The following TRIM25 variants were observed in gnomAD, a reference collection of about 807,000 sequenced individuals.
The protein encoded by TRIM25 is tripartite motif containing 25.
Under a neutral mutation model 65.2 loss-of-function variants are expected in TRIM25, and 45 were observed. That is an observed-to-expected ratio of 0.69 (90% CI 0.54 to 0.89). The LOEUF is 0.89. Ranked by LOEUF, TRIM25 falls within the 40% of genes least tolerant of loss-of-function variation. The pLI is 0.00. For synonymous variants in TRIM25, 321 were observed against 340.4 expected (o/e 0.94, Z 0.63); for missense variants, 714 against 803.7 (o/e 0.89, Z 1.35).
chr17:56,906,441 A>C (rs1909521705), intron 2 of TRIM25, among the ~76,000 whole-genome samples: 2 of 152,238 alleles, frequency 1.3e-5, no homozygotes, highest in East Asian at 3.8e-4. Flanking sequence ...CAAAGAGAAA[A>C]ACACACAAGA....
In TRIM25 at chr17:56,888,405, A is replaced by G. The variant is rs1057105638; in HGVS notation, c.*3295T>C. 8 of 152,142 alleles carry G rather than the reference A, an allele frequency of 5.3e-5. No individual in the cohort carries two copies. The highest frequency in any genetic ancestry group is 8.8e-5 in the Non-Finnish European group (6 of 68,038). The allele number at this position is 152,142 out of a possible 1,614,324, so 9.4% of individuals were successfully genotyped here. A position where few individuals can be genotyped will look rare whatever the true frequency, so the allele number is the denominator to read the frequency against. Reference sequence around the variant, plus strand: ...AGTTCAATTCTTTAGACAACCTCCAATCCACACCTCCTGGAACTCCTACCC... The same window carrying G: ...AGTTCAATTCTTTAGACAACCTCCAGTCCACACCTCCTGGAACTCCTACCC... On this transcript the variant is annotated 3_prime_UTR_variant, in exon 9 of 9. Coordinates refer to ENST00000316881, the MANE Select transcript of TRIM25 (RefSeq NM_005082.5).
At position 56,890,194 on chromosome 17, in the gene TRIM25, A is replaced by G; in HGVS notation, c.*1506T>C. On this transcript the variant is annotated 3_prime_UTR_variant, in exon 9 of 9. Coordinates refer to ENST00000316881, the MANE Select transcript of TRIM25 (RefSeq NM_005082.5). ...GAGCTCTCCTCTAAGCAAAGCCCAG[A>G]GTTGGACTCATTTCACTATAAGAGG... 1 of 289,372 alleles carries G rather than the reference A, an allele frequency of 3.5e-6. No individual in the cohort carries two copies. The highest frequency in any genetic ancestry group is 6.5e-6 in the Non-Finnish European group (1 of 152,846). 17.9% of individuals were successfully genotyped at this position (289,372 alleles called of 1,614,324 possible).
Position 56,909,730 on chromosome 17 carries a change from C to A in TRIM25, c.598-1167G>T, listed in dbSNP as rs181614544. ...GAAGTAGCTCACAGGGGCTGAAGCC[C>A]AGGTGCAAATCTGCTCAGTCCTAGC... On this transcript the variant is annotated intron_variant, in intron 1 of 8. Transcript: ENST00000316881. 3.9e-5 allele frequency among the ~76,000 whole-genome samples: 6 copies of A among 151,962 alleles called. No individual in the cohort carries two copies. The East Asian group carries it at 1.2e-3, about 29-fold the overall frequency.
chr17:56,904,210 C>CAA (rs79061333), intron 3 of TRIM25, 45 bp downstream of exon 3: 1,870 of 1,280,204 alleles, frequency 1.5e-3, no homozygotes, highest in Non-Finnish European at 1.7e-3. Context: ...TGACATCAGG[C>CAA]AAAAAAAAAA....
chr17:56,895,718 G>A, intron 6 of TRIM25, 114 bp from the exon 7 acceptor site: 1 of 1,270,858 alleles, frequency 7.9e-7, no homozygotes. Context: ...GGACAACACA[G>A]GGGAAAACAG....
Position 56,889,428 on chromosome 17 carries a change from T to A in TRIM25, c.*2272A>T, listed in dbSNP as rs150980369. On this transcript the variant is annotated 3_prime_UTR_variant, in exon 9 of 9. Coordinates refer to ENST00000316881, the MANE Select transcript of TRIM25 (RefSeq NM_005082.5). ...TCTGCAAAATGAGAAGTCAGATGGA[T>A]ACAAAGGTTCCTCCAACTCTAGGAC... 153 of 246,598 alleles carry A rather than the reference T, an allele frequency of 6.2e-4. No individual in the cohort carries two copies. Among genetic ancestry groups the A allele is most frequent in the Non-Finnish European group, 9.4e-4 (122 of 129,864 alleles). The allele number at this position is 246,598 out of a possible 1,614,324, so 15.3% of individuals were successfully genotyped here.
At position 56,888,909 on chromosome 17, in the gene TRIM25, A is replaced by C. The variant is rs562292791; in HGVS notation, c.*2791T>G. The C allele has an allele frequency of 6.6e-6, 1 of 152,354 alleles. No homozygotes were observed. Among genetic ancestry groups the C allele is most frequent in the East Asian group, 1.9e-4 (1 of 5,192 alleles). 9.4% of individuals were successfully genotyped at this position (152,354 alleles called of 1,614,324 possible). On this transcript the variant is annotated 3_prime_UTR_variant, in exon 9 of 9. Coordinates refer to ENST00000316881, the MANE Select transcript of TRIM25 (RefSeq NM_005082.5). ...AAATAGCATTTTGTACCCGCACTAC[A>C]ATGCAGGAGAACGCCAAACACCGCT...
chr17:56,912,067 A>G (rs1325427222), intron 1 of TRIM25: 1 of 152,334 alleles, frequency 6.6e-6, no homozygotes, highest in Middle Eastern at 3.1e-3. Context: ...CCAAGTTTAT[A>G]TGCTACACAA....
At chr17:56,903,143 G>A (rs556678440) in intron 3 of TRIM25, among the ~76,000 whole-genome samples, 1 of 152,328 alleles carries the variant, frequency 6.6e-6, no homozygotes, top group African/African-American at 2.4e-5. Flanking sequence ...GCTCACACCT[G>A]TAATCTCAGC....
chr17:56,899,251 G>T, intron 4 of TRIM25, 71 bp from the exon 5 acceptor site: 1 of 1,546,420 alleles, frequency 6.5e-7, no homozygotes, highest in South Asian at 1.1e-5. Context: ...TTTGCCATGG[G>T]TCGGTGGGCA....
At chr17:56,897,662 GAACTTTATTCTCCA>G (rs1567839174) in intron 5 of TRIM25, among the ~76,000 whole-genome samples, 1 of 152,018 alleles carries the variant, frequency 6.6e-6, no homozygotes, top group African/African-American at 2.4e-5. Flanking sequence ...ATTCATTCCC[GAACTTTATTCTCCA>G]GGGTGTCATT....
rs1004030130 is a variant in TRIM25, at chr17:56,901,553, G to A, written c.953C>T (p.Ser318Leu). The change falls in exon 4 of 9, where the codon TCA becomes TTA. Residue 318 changes from serine to leucine, a missense_variant. Transcript: ENST00000316881. ...CTCGGGGATGTAGACTGGCTTTGTT[G>A]AGATTCCTCGCAGTTTTGATGCTTT... ...LEKASKLRGI[S>L]TKPVYIPEVE... 5.6e-6 allele frequency: 9 copies of A among 1,614,014 alleles called. No homozygotes were observed. Among genetic ancestry groups the A allele is most frequent in the Admixed American group, 3.3e-5 (2 of 60,002 alleles).
At chr17:56,895,319 C>T (rs372497167) in intron 8 of TRIM25, 24 bp downstream of exon 8, 68 of 1,597,994 alleles carry the variant, frequency 4.3e-5, no homozygotes, top group Non-Finnish European at 5.5e-5. Context: ...AGTGGAACCG[C>T]GCACCAGCCC....
chr17:56,895,298 G>A (rs772560098), intron 8 of TRIM25, 45 bp downstream of exon 8: 65 of 1,512,134 alleles, frequency 4.3e-5, no homozygotes, highest in Non-Finnish European at 5.4e-5. Context: ...CGGCGCAGGA[G>A]AGACAGAACC....
intron 8 of TRIM25, among the ~76,000 whole-genome samples, chr17:56,895,076 C>T (rs906721513): frequency 2.6e-5 from 4 of 152,038 alleles, no homozygotes; most frequent in Non-Finnish European, 4.4e-5. Context: ...GACATGCAGG[C>T]GCCGACCCAC....
In TRIM25 at chr17:56,895,579, C is replaced by T; in HGVS notation, c.1206G>A (p.Lys402=). The change falls in exon 7 of 9, where the codon AAG becomes AAA. Residue 402 remains lysine, a synonymous_variant. Transcript: ENST00000316881. ...KPPPVPALPS[K]LPTFGAPEQL... ...GTTCCGGGGCTCCAAACGTGGGAAG[C>T]TTGCTGGGTAAGGCAGGGACAGGGG... The T allele has an allele frequency of 6.3e-7, 1 of 1,575,242 alleles. No individual in the cohort carries two copies. The highest frequency in any genetic ancestry group is 8.6e-7 in the Non-Finnish European group (1 of 1,158,680).
At chr17:56,910,617 C>T (rs531016445) in intron 1 of TRIM25, among the ~76,000 whole-genome samples, 2 of 152,336 alleles carry the variant, frequency 1.3e-5, no homozygotes, top group African/African-American at 4.8e-5. Flanking sequence ...CGGCAGTACC[C>T]TCATCATGAA....
chr17:56,894,442 G>T (rs1046423604), intron 8 of TRIM25, among the ~76,000 whole-genome samples: 19 of 152,180 alleles, frequency 1.2e-4, no homozygotes, highest in Non-Finnish European at 2.5e-4. Context: ...TAGAGATGGG[G>T]TTTTGCCATG....
chr17:56,902,261 C>G (rs1294826325), intron 3 of TRIM25, among the ~76,000 whole-genome samples: 1 of 152,176 alleles, frequency 6.6e-6, no homozygotes, highest in Non-Finnish European at 1.5e-5. Flanking sequence ...CTCCCCACCC[C>G]CTGATCTGAA....
Sources: gnomAD v4.1 joint callset for allele counts (sites outside exome capture counted in the v4.1 genomes callset) on GRCh38, gnomAD v4.1.1 for gene constraint, MANE v1.5 for transcripts, NCBI Gene and HGNC (gene_info 2026-07-23, HGNC 2026-07-21) for gene names.